Variants in PCCA observed in about 807,000 individuals in gnomAD.
PCCA encodes propionyl-CoA carboxylase alpha chain, mitochondrial.
In PCCA, 74 loss-of-function variants were observed where a neutral mutation model predicts 101.3. The ratio of observed to expected loss-of-function variants is 0.73; its 90% CI spans 0.61 to 0.89. The LOEUF is 0.89. PCCA is among the 40% of genes least tolerant of loss of function. The pLI is 0.00. For missense variants in PCCA, 891 were observed against 907.0 expected, an observed-to-expected ratio of 0.98 and a Z score of 0.23; for synonymous variants, 294 against 313.6, an observed-to-expected ratio of 0.94 and a Z score of 0.66.
rs77926692 is a variant in PCCA, at chr13:100,455,157, A to G, written c.1899+5852A>G. ...GGTAACTGCTAATGAAAAAAAGTAAATAAAGTGGGCAAAGGGTGGAATAAA... is the reference window on the plus strand; with the variant it reads ...GGTAACTGCTAATGAAAAAAAGTAAGTAAAGTGGGCAAAGGGTGGAATAAA... On this transcript the variant is annotated intron_variant, in intron 21 of 23. Coordinates refer to ENST00000376285, the MANE Select transcript of PCCA (RefSeq NM_000282.4). Among the ~76,000 whole-genome samples the G allele has an allele frequency of 1.9e-3, 294 of 152,312 alleles. 11 individuals carry two copies. The East Asian group carries it at 0.048, about 25-fold the overall frequency.
chr13:100,419,481 A>AG (rs1595834038), intron 19 of PCCA, among the ~76,000 whole-genome samples: 2 of 152,208 alleles, frequency 1.3e-5, no homozygotes, highest in East Asian at 1.9e-4. Flanking sequence ...CAAAAAAAAA[A>AG]AAAAGAAAAG....
intron 7 of PCCA, among the ~76,000 whole-genome samples, chr13:100,233,106 C>T (rs1328807530): frequency 1.3e-5 from 2 of 152,174 alleles, no homozygotes; most frequent in Non-Finnish European, 2.9e-5. Flanking sequence ...TCTCTGTGTT[C>T]ACTCATGTGG....
At chr13:100,172,869 A>G (rs1337796593) in intron 6 of PCCA, among the ~76,000 whole-genome samples, 1 of 152,224 alleles carries the variant, frequency 6.6e-6, no homozygotes, top group East Asian at 1.9e-4. Context: ...AGGATCACAC[A>G]GCTGTTAGTG....
intron 6 of PCCA, among the ~76,000 whole-genome samples, chr13:100,208,815 A>G (rs144001033): frequency 1.2e-4 from 18 of 152,036 alleles, no homozygotes; most frequent in Middle Eastern, 3.4e-3. Flanking sequence ...TCTTTTGTCT[A>G]TTTCTCTGAG....
intron 4 of PCCA, among the ~76,000 whole-genome samples, chr13:100,120,861 T>G (rs2049302328): frequency 6.6e-6 from 1 of 152,164 alleles, no homozygotes; most frequent in Non-Finnish European, 1.5e-5. Context: ...GGATTTTGAT[T>G]GATATTGCAT....
intron 12 of PCCA, among the ~76,000 whole-genome samples, chr13:100,274,110 A>T (rs2063485503): frequency 2.0e-5 from 3 of 152,114 alleles, no homozygotes; most frequent in Admixed American, 2.0e-4. Context: ...AATGATTCTG[A>T]TTCCCCCTCC....
chr13:100,492,205 G>C (rs2152981994), intron 21 of PCCA, among the ~76,000 whole-genome samples: 1 of 152,156 alleles, frequency 6.6e-6, no homozygotes, highest in South Asian at 2.1e-4. Context: ...CATGATCTCG[G>C]CTCACTGCAA....
chr13:100,399,287 T>C (rs1255719224), intron 19 of PCCA, among the ~76,000 whole-genome samples: 1 of 152,194 alleles, frequency 6.6e-6, no homozygotes, highest in Non-Finnish European at 1.5e-5. Flanking sequence ...TATTTTTGTT[T>C]GGCGTGAATT....
chr13:100,358,973 T>C (rs1172052076), intron 18 of PCCA, among the ~76,000 whole-genome samples: 2 of 151,858 alleles, frequency 1.3e-5, no homozygotes, highest in Non-Finnish European at 2.9e-5. Context: ...GGTGCACGCC[T>C]GTAATCCCAG....
chr13:100,422,617 T>A (rs960830739), intron 19 of PCCA, among the ~76,000 whole-genome samples: 1 of 152,248 alleles, frequency 6.6e-6, no homozygotes, highest in African/African-American at 2.4e-5. Context: ...CCTCCATATC[T>A]GTTGTCTTCT....
chr13:100,273,228 T>C lies in PCCA; in HGVS notation c.947T>C (p.Met316Thr), dbSNP rs137861347. ...IFLDAETRRA[M>T]GEQAVALARA... is the part of the protein sequence containing the mutation. ...TTGGATGCGGAGACTCGAAGAGCGA[T>C]GGGAGAACAAGCTGTAGCTCTTGCC... The change falls in exon 12 of 24, where the codon ATG (methionine) becomes ACG (threonine). Residue 316 changes from methionine (M) to threonine (T), a missense_variant. Met to Thr is a moderately conservative substitution (Grantham distance 81, BLOSUM62 -1). Coordinates refer to ENST00000376285, the MANE Select transcript of PCCA (RefSeq NM_000282.4). 1 of 1,612,882 alleles carries C rather than the reference T, an allele frequency of 6.2e-7. No individual in the cohort carries two copies. The highest frequency in any genetic ancestry group is 8.5e-7 in the Non-Finnish European group (1 of 1,178,988).
rs115304134 is a variant in PCCA at position 100,202,335 on chromosome 13, C to T, written c.469-6997C>T. Among the ~76,000 whole-genome samples the T allele has an allele frequency of 1.8e-3, 274 of 152,098 alleles. 2 individuals carry two copies. The highest frequency in any genetic ancestry group is 6.2e-3 in the African/African-American group (259 of 41,508). On this transcript the variant is annotated intron_variant, in intron 6 of 23. Coordinates refer to ENST00000376285, the MANE Select transcript of PCCA (RefSeq NM_000282.4). ...GGTAACAGAGCAAGACCCTGTTCCA[C>T]GAAAAGAACATAAAATTATTAGCTC...
chr13:100,282,298 C>T (rs1484078815), intron 12 of PCCA, among the ~76,000 whole-genome samples: 1 of 152,250 alleles, frequency 6.6e-6, no homozygotes, highest in Non-Finnish European at 1.5e-5. Flanking sequence ...GTCCTCAGAG[C>T]CCTCGCTCGC....
At chr13:100,127,155 G>A (rs960441046) in intron 4 of PCCA, among the ~76,000 whole-genome samples, 6 of 152,164 alleles carry the variant, frequency 3.9e-5, no homozygotes, top group African/African-American at 1.4e-4. Context: ...TTATATTTGG[G>A]CAGGATTTAT....
chr13:100,237,554 A>G (rs1428645170), intron 8 of PCCA: 1 of 152,214 alleles, frequency 6.6e-6, no homozygotes, highest in African/African-American at 2.4e-5. Context: ...ATGGTTTGAA[A>G]TCACTGGTAT....
intron 19 of PCCA, among the ~76,000 whole-genome samples, chr13:100,377,197 A>G (rs2075969185): frequency 6.6e-6 from 1 of 152,024 alleles, no homozygotes; most frequent in Non-Finnish European, 1.5e-5. Flanking sequence ...AAATGCAGAA[A>G]TCACCCACCT....
intron 19 of PCCA, among the ~76,000 whole-genome samples, chr13:100,377,159 A>G (rs1337644942): frequency 6.6e-6 from 1 of 152,102 alleles, no homozygotes; most frequent in Non-Finnish European, 1.5e-5. Flanking sequence ...AACCAGTCCC[A>G]GTGAGATGAG....
intron 18 of PCCA, among the ~76,000 whole-genome samples, chr13:100,362,786 C>T (rs767847949): frequency 6.6e-6 from 1 of 152,128 alleles, no homozygotes; most frequent in Non-Finnish European, 1.5e-5. Context: ...TGGGGGTGTT[C>T]CCTGTTTCTC....
At chr13:100,183,235 A>G (rs2056960365) in intron 6 of PCCA, among the ~76,000 whole-genome samples, 1 of 152,160 alleles carries the variant, frequency 6.6e-6, no homozygotes, top group African/African-American at 2.4e-5. Flanking sequence ...TCCTATCATA[A>G]ATACTCTCTG....
Sources: allele counts gnomAD v4.1 joint callset (sites outside exome capture counted in the v4.1 genomes callset), GRCh38; gene constraint gnomAD v4.1.1; transcripts MANE v1.5; gene names NCBI Gene and HGNC (gene_info 2026-07-23, HGNC 2026-07-21).